DNAJC1: variants seen among roughly 807,000 people sequenced by gnomAD.
DNAJC1 encodes dnaJ homolog subfamily C member 1.
A neutral mutation model predicts 76.6 loss-of-function variants in DNAJC1; 58 were observed. The ratio of observed to expected loss-of-function variants is 0.76; its 90% confidence interval spans 0.61 to 0.94. DNAJC1 has a LOEUF of 0.94. Ranked by LOEUF, DNAJC1 falls within the 40% of genes least tolerant of loss-of-function variation. The pLI, the probability that DNAJC1 is intolerant of heterozygous loss-of-function variation, is 0.00. For synonymous variants in DNAJC1, 258 were observed against 267.9 expected (o/e 0.96, Z 0.36); for missense variants, 689 against 677.3 (o/e 1.02, Z -0.19).
At position 21,984,151 on chromosome 10, in the gene DNAJC1, C is replaced by T. The variant is rs72806964; in HGVS notation, c.222+19062G>A. On this transcript the variant is annotated intron_variant, in intron 1 of 11. Transcript: ENST00000376980. ...TGTTTTTAAATTTACTTTTTCTTTG[C>T]TTTTACATAAAAAATTTTAATAGAA... 6.7e-3 allele frequency among the ~76,000 whole-genome samples: 1,020 copies of T among 152,144 alleles called. 6 individuals are homozygous for T. Among genetic ancestry groups the T allele is most frequent in the Non-Finnish European group, 0.01 (712 of 67,978 alleles).
At chr10:21,887,518 G>A (rs1836386541) in intron 7 of DNAJC1, among the ~76,000 whole-genome samples, 1 of 152,080 alleles carries the variant, frequency 6.6e-6, no homozygotes, top group Non-Finnish European at 1.5e-5. Flanking sequence ...AAAACAGCAT[G>A]GTACTGGTAC....
intron 8 of DNAJC1, among the ~76,000 whole-genome samples, chr10:21,836,270 A>C (rs1835451972): frequency 6.6e-6 from 1 of 152,218 alleles, no homozygotes; most frequent in South Asian, 2.1e-4. Context: ...ACAGACAAGC[A>C]AATGCTGAGA....
rs537530719 is a variant in DNAJC1 at position 21,943,873 on chromosome 10, C to T, written c.223-14732G>A. On this transcript the variant is annotated intron_variant, in intron 1 of 11. Transcript: ENST00000376980. ...AAGTGAGAAAGATGGCTGTGGTCAA[C>T]CGCAAATGTTGGTTTCAAATCCATG... Among the ~76,000 whole-genome samples, 13 of 151,908 alleles carry T rather than the reference C, an allele frequency of 8.6e-5. No individual in the cohort carries two copies. In the Middle Eastern group the frequency reaches 0.017, roughly 199 times the overall value.
intron 7 of DNAJC1, among the ~76,000 whole-genome samples, chr10:21,888,852 A>G (rs1836411303): frequency 6.6e-6 from 1 of 152,182 alleles, no homozygotes; most frequent in East Asian, 1.9e-4. Flanking sequence ...GGGTGATGAA[A>G]TAATCTGTAC....
intron 1 of DNAJC1, among the ~76,000 whole-genome samples, chr10:21,941,105 A>G (rs1837402715): frequency 1.4e-5 from 2 of 148,108 alleles, no homozygotes; most frequent in Non-Finnish European, 3.0e-5. Flanking sequence ...CAAAAAAAAA[A>G]AAAAAAAAAA....
intron 8 of DNAJC1, among the ~76,000 whole-genome samples, chr10:21,842,672 A>C (rs1054979632): frequency 6.6e-6 from 1 of 152,240 alleles, no homozygotes; most frequent in African/African-American, 2.4e-5. Flanking sequence ...ATGAGGCACA[A>C]ATGAACTGGC....
At chr10:21,853,787 CAAAAAAAAA>C (rs1011936425) in intron 8 of DNAJC1, among the ~76,000 whole-genome samples, 4 of 12,580 alleles carry the variant, frequency 3.2e-4, no homozygotes, top group Admixed American at 2.3e-3. Context: ...GACTCCATCT[CAAAAAAAAA>C]AAAAAAAAAA....
At chr10:21,899,494 C>T (rs1242647723) in intron 7 of DNAJC1, among the ~76,000 whole-genome samples, 1 of 152,192 alleles carries the variant, frequency 6.6e-6, no homozygotes, top group East Asian at 1.9e-4. Flanking sequence ...CAGACTTGGC[C>T]ATTCCAACCT....
At chr10:21,947,996 T>G (rs966340159) in intron 1 of DNAJC1, among the ~76,000 whole-genome samples, 1 of 152,110 alleles carries the variant, frequency 6.6e-6, no homozygotes, top group African/African-American at 2.4e-5. Flanking sequence ...ATACATAGTT[T>G]GATTTCTCAG....
chr10:21,858,828 T>G (rs1413822185), intron 8 of DNAJC1, among the ~76,000 whole-genome samples: 1 of 152,180 alleles, frequency 6.6e-6, no homozygotes, highest in Admixed American at 6.5e-5. Flanking sequence ...TGTTATAATA[T>G]TTATGGTGGA....
chr10:21,804,680 TA>T (rs1834862527), intron 9 of DNAJC1, among the ~76,000 whole-genome samples: 1 of 151,130 alleles, frequency 6.6e-6, no homozygotes, highest in Non-Finnish European at 1.5e-5. Flanking sequence ...AAAAAAAAGT[TA>T]CAAAATACTT....
intron 6 of DNAJC1, 116 bp from the exon 7 acceptor site, chr10:21,904,728 G>T: frequency 1.8e-6 from 1 of 546,412 alleles, no homozygotes; most frequent in Non-Finnish European, 3.0e-6. Flanking sequence ...CTTTCTTTTT[G>T]TTTTCAAATT....
chr10:21,845,870 G>A (rs1198033970), intron 8 of DNAJC1, among the ~76,000 whole-genome samples: 2 of 152,022 alleles, frequency 1.3e-5, no homozygotes, highest in Non-Finnish European at 2.9e-5. Flanking sequence ...CCCCCAGGAA[G>A]AAGTACATTA....
At chr10:21,958,225 A>G (rs1322694728) in intron 1 of DNAJC1, among the ~76,000 whole-genome samples, 1 of 152,174 alleles carries the variant, frequency 6.6e-6, no homozygotes, top group Admixed American at 6.5e-5. Flanking sequence ...ATGATTGAGA[A>G]ATGAAGGTTT....
At chr10:21,966,086 G>A (rs1837884063) in intron 1 of DNAJC1, among the ~76,000 whole-genome samples, 1 of 152,138 alleles carries the variant, frequency 6.6e-6, no homozygotes, top group Non-Finnish European at 1.5e-5. Context: ...GTTGTGAAAT[G>A]TCCCATAGTT....
intron 1 of DNAJC1, among the ~76,000 whole-genome samples, chr10:21,977,419 C>A (rs1013015927): frequency 6.6e-6 from 1 of 152,090 alleles, no homozygotes; most frequent in African/African-American, 2.4e-5. Context: ...TAGACATCCA[C>A]GTGAACTAAA....
chr10:21,803,543 A>T (rs1483333775), intron 9 of DNAJC1, among the ~76,000 whole-genome samples: 5 of 150,682 alleles, frequency 3.3e-5, no homozygotes, highest in Non-Finnish European at 7.4e-5. Flanking sequence ...CATCCCTGTG[A>T]GTTACTGATT....
At chr10:21,769,514 T>C (rs1834347553) in intron 9 of DNAJC1, among the ~76,000 whole-genome samples, 1 of 152,192 alleles carries the variant, frequency 6.6e-6, no homozygotes. Context: ...TCTATCACTA[T>C]AACATAACCA....
At chr10:21,796,630 TTGA>T (rs1168948223) in intron 9 of DNAJC1, among the ~76,000 whole-genome samples, 2 of 152,224 alleles carry the variant, frequency 1.3e-5, no homozygotes, top group Non-Finnish European at 2.9e-5. Flanking sequence ...TTTTGTTTTT[TTGA>T]TGATGGCTGT....
Sources: allele counts gnomAD v4.1 joint callset (sites outside exome capture counted in the v4.1 genomes callset), GRCh38; gene constraint gnomAD v4.1.1; transcripts MANE v1.5; gene names NCBI Gene and HGNC (gene_info 2026-07-23, HGNC 2026-07-21).